Variants in SYT5 observed in about 807,000 individuals in gnomAD.
SYT5 encodes synaptotagmin-5.
SYT5 carries 29 observed loss-of-function variants against 36.0 expected under a neutral mutation model. That is an observed-to-expected ratio of 0.81 (90% CI 0.60 to 1.10). The LOEUF (loss-of-function observed/expected upper bound fraction) is 1.10, where lower values mean the gene tolerates loss of function less well. Ranked by LOEUF, SYT5 falls within the 50% of genes least tolerant of loss-of-function variation. SYT5 has a pLI of 0.00. For missense variants in SYT5, 512 were observed against 516.0 expected, an observed-to-expected ratio of 0.99 and a Z score of 0.08; for synonymous variants, 231 against 227.6, an observed-to-expected ratio of 1.02 and a Z score of -0.14.
At chr19:55,176,180 CAGGCTCAGAAGCCAAGGG>C in intron 3 of SYT5, 56 bp from the exon 4 acceptor site, 1 of 1,610,414 alleles carries the variant, frequency 6.2e-7, no homozygotes, top group Non-Finnish European at 8.5e-7. Context: ...CAGTATCCAT[CAGGCTCAGAAGCCAAGGG>C]AGGCTCACAG....
rs376169108 is a variant in SYT5, at chr19:55,175,445, G to A, written c.541-106C>T. On this transcript the variant is annotated intron_variant, in intron 5 of 8. Coordinates refer to ENST00000354308, the MANE Select transcript of SYT5 (RefSeq NM_003180.3). The surrounding 1 kb of genome is among the most constrained non-coding windows in gnomAD (Gnocchi z 4.5). ...GGAGTGAGGCAGCGAGGGTCGAAGC[G>A]AACAGTTGGGGGAACTCAAATGGGA... is the stretch of plus-strand genomic sequence containing the variant. 7.8e-7 allele frequency: 1 copy of A among 1,273,952 alleles called. No individual in the cohort carries two copies. The highest frequency in any genetic ancestry group is 2.9e-5 in the Admixed American group (1 of 34,704). The allele number at this position is 1,273,952 out of a possible 1,614,324, so 78.9% of individuals were successfully genotyped here.
chr19:55,175,128 C>G lies in SYT5; in HGVS notation c.708+44G>C, dbSNP rs760129749. 15 of 1,577,164 alleles carry G rather than the reference C, an allele frequency of 9.5e-6. No homozygotes were observed. The Admixed American group carries it at 1.8e-4, about 19-fold the overall frequency. On this transcript the variant is annotated intron_variant, in intron 6 of 8. Coordinates refer to ENST00000354308, the MANE Select transcript of SYT5 (RefSeq NM_003180.3). This position sits in a 1 kb window ranked among gnomAD's most constrained non-coding sequence, Gnocchi z 4.5. Reference sequence around the variant, plus strand: ...TTGGCTCAGGATGTTGTGGGCGGGACTGGGCCTGGGGGCGTGGCTCGGGGC... The same window carrying G: ...TTGGCTCAGGATGTTGTGGGCGGGAGTGGGCCTGGGGGCGTGGCTCGGGGC...
At chr19:55,177,960 G>A (rs893465160) in intron 3 of SYT5, among the ~76,000 whole-genome samples, 2 of 152,218 alleles carry the variant, frequency 1.3e-5, no homozygotes. Flanking sequence ...TGTGTGGTGA[G>A]TGTCTGTGTC....
rs1177657940 is a variant in SYT5 at position 55,175,651 on chromosome 19, A to C, written c.540+58T>G. The C allele has an allele frequency of 1.9e-6, 3 of 1,582,650 alleles. No individual in the cohort carries two copies. The highest frequency in any genetic ancestry group is 2.7e-5 in the African/African-American group (2 of 74,250). On this transcript the variant is annotated intron_variant, in intron 5 of 8. Coordinates refer to ENST00000354308, the MANE Select transcript of SYT5 (RefSeq NM_003180.3). The surrounding 1 kb of genome is among the most constrained non-coding windows in gnomAD (Gnocchi z 4.5). ...GGAAAAGCGGAAGGGGTCGGTCCCT[A>C]GTGTTCCAGGGACTGGGCACAGGCT... is the stretch of plus-strand genomic sequence containing the variant.
Position 55,179,301 on chromosome 19 carries a change from C to T in SYT5, c.-45-215G>A. ...GATACCCTCTTCCTCCACGGCCCCA[C>T]AGGCATCCCGCTGACTTCTGCCTCG... On this transcript the variant is annotated intron_variant, in intron 1 of 8. Coordinates refer to ENST00000354308, the MANE Select transcript of SYT5 (RefSeq NM_003180.3). The surrounding 1 kb of genome is among the most constrained non-coding windows in gnomAD (Gnocchi z 4.5). 7.5e-7 allele frequency: 1 copy of T among 1,332,956 alleles called. No individual in the cohort carries two copies. Among genetic ancestry groups the T allele is most frequent in the Admixed American group, 3.5e-5 (1 of 28,212 alleles). The allele number at this position is 1,332,956 out of a possible 1,614,324, so 82.6% of individuals were successfully genotyped here.
At chr19:55,174,386 G>C (rs2086046107) in intron 8 of SYT5, 131 bp downstream of exon 8, 1 of 1,253,030 alleles carries the variant, frequency 8.0e-7, no homozygotes, top group Non-Finnish European at 1.1e-6. Flanking sequence ...CTCATAGGAG[G>C]AAACAGACTG....
rs2086118681 is a variant in SYT5, at chr19:55,179,293, C to T, written c.-45-207G>A. On this transcript the variant is annotated intron_variant, in intron 1 of 8. Transcript: ENST00000354308. The surrounding 1 kb of genome is among the most constrained non-coding windows in gnomAD (Gnocchi z 4.5). ...CCTAAAGGGATACCCTCTTCCTCCACGGCCCCACAGGCATCCCGCTGACTT... is the reference window on the plus strand; with the variant it reads ...CCTAAAGGGATACCCTCTTCCTCCATGGCCCCACAGGCATCCCGCTGACTT... 1.5e-6 allele frequency: 2 copies of T among 1,355,074 alleles called. No individual in the cohort carries two copies. The highest frequency in any genetic ancestry group is 3.4e-5 in the South Asian group (2 of 58,702). 83.9% of individuals were successfully genotyped at this position (1,355,074 alleles called of 1,614,324 possible). A position where few individuals can be genotyped will look rare whatever the true frequency, so the allele number is the denominator to read the frequency against.
intron 8 of SYT5, 60 bp downstream of exon 8, chr19:55,174,457 G>C (rs533202577): frequency 6.3e-7 from 1 of 1,582,082 alleles, no homozygotes; most frequent in African/African-American, 1.4e-5. Context: ...GTCTCCCTCC[G>C]CCTAGCAATG....
Position 55,175,122 on chromosome 19 carries a change from G to A in SYT5, c.708+50C>T, listed in dbSNP as rs1296653005. 6.3e-7 allele frequency: 1 copy of A among 1,577,002 alleles called. No homozygotes were observed. Among genetic ancestry groups the A allele is most frequent in the South Asian group, 1.2e-5 (1 of 86,908 alleles). On this transcript the variant is annotated intron_variant, in intron 6 of 8. Coordinates refer to ENST00000354308, the MANE Select transcript of SYT5 (RefSeq NM_003180.3). This position sits in a 1 kb window ranked among gnomAD's most constrained non-coding sequence, Gnocchi z 4.5. ...ATCTGATTGGCTCAGGATGTTGTGG[G>A]CGGGACTGGGCCTGGGGGCGTGGCT...
chr19:55,174,793 C>G, intron 7 of SYT5, 89 bp downstream of exon 7: 1 of 1,572,872 alleles, frequency 6.4e-7, no homozygotes. Context: ...TCCCTGTCCC[C>G]GAAGAAACCC....
At chr19:55,176,152 G>C in intron 3 of SYT5, 28 bp from the exon 4 acceptor site, 1 of 1,613,608 alleles carries the variant, frequency 6.2e-7, no homozygotes, top group Non-Finnish European at 8.5e-7. Flanking sequence ...AAGGGTGGGT[G>C]AAGTCTTCCC....
Position 55,178,978 on chromosome 19 carries a change from T to A in SYT5, c.64A>T (p.Ile22Phe), listed in dbSNP as rs1453010072. The change falls in exon 2 of 9, where the codon ATC (isoleucine) becomes TTC (phenylalanine). Residue 22 changes from isoleucine (I) to phenylalanine (F), a missense_variant. Physicochemically the swap from Ile to Phe is conservative, Grantham distance 21. Transcript: ENST00000354308. ...TCTTGCTCACCTGGGCCGTGGCTGATGCGACTGGAGTCGGGAGGCGTGTCG... is the reference window on the plus strand; with the variant it reads ...TCTTGCTCACCTGGGCCGTGGCTGAAGCGACTGGAGTCGGGAGGCGTGTCG... ...SPDTPPDSSR[I>F]SHGPVPPWAL... 1.3e-6 allele frequency: 2 copies of A among 1,570,918 alleles called. No individual in the cohort carries two copies. Among genetic ancestry groups the A allele is most frequent in the African/African-American group, 1.4e-5 (1 of 72,888 alleles).
chr19:55,175,332 T>G lies in SYT5; in HGVS notation c.548A>C (p.Tyr183Ser). Reference sequence around the variant, plus strand: ...CAGCACCCTGCCCCCCAGCTCCACGTAGGGGACCTGGAGTGCACAGAGAAT... The same window carrying G: ...CAGCACCCTGCCCCCCAGCTCCACGGAGGGGACCTGGAGTGCACAGAGAAT... ...FGETFAFKVP[Y>S]VELGGRVLVM... The change falls in exon 6 of 9, where the codon TAC becomes TCC. Residue 183 changes from tyrosine to serine, a missense_variant. Coordinates refer to ENST00000354308, the MANE Select transcript of SYT5 (RefSeq NM_003180.3). This position sits in a 1 kb window ranked among gnomAD's most constrained non-coding sequence, Gnocchi z 4.5. 1 of 1,539,296 alleles carries G rather than the reference T, an allele frequency of 6.5e-7. No homozygotes were observed. The highest frequency in any genetic ancestry group is 2.3e-5 in the East Asian group (1 of 44,178).
In SYT5 at chr19:55,176,026, A is replaced by T; in HGVS notation, c.351T>A (p.Asp117Glu). ...HELGRLQYSLDYDFQSGQLLV... is the reference protein window; with the variant it reads ...HELGRLQYSLEYDFQSGQLLV... ...CCACCTGGCCACTCTGGAAGTCATA[A>T]TCCAGGGAGTACTGCAGTCGTCCTA... Residue 117 changes from aspartate (D) to glutamate (E), a missense_variant, in exon 4 of 9, where the codon GAT becomes GAA. Asp to Glu is a conservative substitution (Grantham distance 45). Coordinates refer to ENST00000354308, the MANE Select transcript of SYT5 (RefSeq NM_003180.3). 6.2e-7 allele frequency: 1 copy of T among 1,614,098 alleles called. No homozygotes were observed.
At position 55,178,189 on chromosome 19, in the gene SYT5, G is replaced by A. The variant is rs1233106705; in HGVS notation, c.252+7C>T. 1.2e-6 allele frequency: 2 copies of A among 1,606,158 alleles called. No individual in the cohort carries two copies. Among genetic ancestry groups the A allele is most frequent in the Non-Finnish European group, 1.7e-6 (2 of 1,176,568 alleles). ...GGGCCAGGTGGAGGGGCTGGGCTGG[G>A]CCACACCTTGTCTATGTAACTCTGG... On this transcript the variant is annotated splice_region_variant and intron_variant, in intron 3 of 8. Transcript: ENST00000354308.
At chr19:55,174,761 G>T in intron 7 of SYT5, 111 bp from the exon 8 acceptor site, 1 of 1,572,848 alleles carries the variant, frequency 6.4e-7, no homozygotes, top group Non-Finnish European at 8.7e-7. Context: ...CAAAATCCAT[G>T]CCTTCCACAG....
chr19:55,178,969 CGT>C lies in SYT5; in HGVS notation c.71_72del (p.His24ArgfsTer84), dbSNP rs754676449. On this transcript the variant is annotated frameshift_variant, in exon 2 of 9. Coordinates refer to ENST00000354308, the MANE Select transcript of SYT5 (RefSeq NM_003180.3). LOFTEE classifies it high-confidence loss of function. The stretch of plus-strand genomic sequence containing the variant: ...ACCCCCGGGTCTTGCTCACCTGGGC[CGT>C]GGCTGATGCGACTGGAGTCGGGAGG... ...DTPPDSSRIS[H>X]GPVPPWALAT... 3.5e-5 allele frequency: 55 copies of C among 1,560,586 alleles called. No homozygotes were observed. Among genetic ancestry groups the C allele is most frequent in the Non-Finnish European group, 4.3e-5 (50 of 1,154,038 alleles).
intron 3 of SYT5, 185 bp from the exon 4 acceptor site, chr19:55,176,309 A>T (rs955973081): frequency 1.2e-5 from 9 of 744,082 alleles, no homozygotes; most frequent in Non-Finnish European, 1.7e-5. Flanking sequence ...ACACAGATGC[A>T]GTATGTTTGT....
At position 55,173,302 on chromosome 19, in the gene SYT5, T is replaced by C. The variant is rs146736357; in HGVS notation, c.*182A>G. On this transcript the variant is annotated 3_prime_UTR_variant, in exon 9 of 9. Coordinates refer to ENST00000354308, the MANE Select transcript of SYT5 (RefSeq NM_003180.3). The surrounding 1 kb of genome is among the most constrained non-coding windows in gnomAD (Gnocchi z 5.4). The stretch of plus-strand genomic sequence containing the variant: ...GGGTCGGGGGAGTGTGCTGGAAAGT[T>C]GTCGTGATTGGCATCGTTGGGGGTG... 3 of 469,394 alleles carry C rather than the reference T, an allele frequency of 6.4e-6. No individual in the cohort carries two copies. Among genetic ancestry groups the C allele is most frequent in the Non-Finnish European group, 1.0e-5 (3 of 289,700 alleles). The allele number at this position is 469,394 out of a possible 1,614,324, so 29.1% of individuals were successfully genotyped here.
Sources: gnomAD v4.1 joint callset for allele counts (sites outside exome capture counted in the v4.1 genomes callset) on GRCh38, gnomAD v4.1.1 for gene constraint, Gnocchi (gnomAD v3.1) non-coding constraint, MANE v1.5 for transcripts, NCBI Gene and HGNC (gene_info 2026-07-23, HGNC 2026-07-21) for gene names.